The following CNTRL variants were observed in gnomAD, a reference collection of about 807,000 sequenced individuals.
CNTRL encodes centriolin.
In CNTRL, 233 loss-of-function variants were observed where a neutral mutation model predicts 303.7. The observed-to-expected ratio is 0.77, with a 90% CI of 0.69 to 0.86. The LOEUF (loss-of-function observed/expected upper bound fraction) is 0.86. CNTRL is among the 40% of genes least tolerant of loss of function. The pLI, the probability that CNTRL is intolerant of heterozygous loss-of-function variation, is 0.00. For missense variants in CNTRL, 2,524 were observed against 2,650.6 expected, an observed-to-expected ratio of 0.95 and a Z score of 1.05; for synonymous variants, 900 against 922.2, an observed-to-expected ratio of 0.98 and a Z score of 0.44.
At chr9:121,131,998 C>G (rs185663937) in intron 14 of CNTRL, among the ~76,000 whole-genome samples, 336 of 152,264 alleles carry the variant, frequency 2.2e-3, no homozygotes, top group Non-Finnish European at 3.6e-3. Flanking sequence ...TCTGAGAGAT[C>G]TGCTGTTAGT....
At chr9:121,149,785 G>A (rs2134196086) in intron 24 of CNTRL, among the ~76,000 whole-genome samples, 1 of 152,184 alleles carries the variant, frequency 6.6e-6, no homozygotes, top group African/African-American at 2.4e-5. Flanking sequence ...CTGGTTTTAG[G>A]GCAGATAAGT....
Position 121,162,076 on chromosome 9 carries a change from T to G in CNTRL, c.5228T>G (p.Leu1743Trp), listed in dbSNP as rs140833605. 8 of 1,614,204 alleles carry G rather than the reference T, an allele frequency of 5.0e-6. No homozygotes were observed. In the African/African-American group the frequency reaches 8.0e-5, roughly 16 times the overall value. ...TAGGAGAAACTGGAGTTAGAGAATT[T>G]GCAGCAGATATCCCAGCAGCAGAAA... ...VLEEKLELEN[L>W]QQISQQQKGE... The change falls in exon 34 of 44, where the codon TTG (leucine) becomes TGG (tryptophan). Residue 1743 changes from leucine to tryptophan, a missense_variant. By Grantham distance (61) the Leu-to-Trp change is moderately conservative (BLOSUM62 -2). Coordinates refer to ENST00000373855, the MANE Select transcript of CNTRL (RefSeq NM_007018.6).
intron 1 of CNTRL, among the ~76,000 whole-genome samples, chr9:121,077,715 CA>C (rs1564179400): frequency 6.6e-6 from 1 of 150,650 alleles, no homozygotes; most frequent in East Asian, 2.0e-4. Flanking sequence ...GAGGCTGAGG[CA>C]GGAGGATCAC....
At position 121,158,902 on chromosome 9, in the gene CNTRL, G is replaced by A; in HGVS notation, c.4812G>A (p.Gly1604=). 6.2e-7 allele frequency: 1 copy of A among 1,614,090 alleles called. No individual in the cohort carries two copies. The highest frequency in any genetic ancestry group is 8.5e-7 in the Non-Finnish European group (1 of 1,179,982). Residue 1604 remains glycine, a synonymous_variant, in exon 31 of 44, where the codon GGG becomes GGA. Transcript: ENST00000373855. ...TGGCTGTCTTGGACAGGCAGTTAGG[G>A]CATAAAAAGGAGGAGCTGCATCTAC... ...QEMAVLDRQL[G]HKKEELHLLQ... is the part of the protein sequence containing the mutation.
In CNTRL at chr9:121,141,196, C is replaced by G. The variant is rs556132919; in HGVS notation, c.2484-185C>G. ...TTAGCCTGATATGAGCCTATGTTTT[C>G]AGAGTGGCAGCAGTCATTTGATAAA... On this transcript the variant is annotated intron_variant, in intron 17 of 43. Transcript: ENST00000373855. Among the ~76,000 whole-genome samples the G allele has an allele frequency of 3.3e-4, 51 of 152,280 alleles. No homozygotes were observed. In the South Asian group the frequency reaches 1.0e-2, roughly 30 times the overall value.
chr9:121,117,716 A>G (rs912743130), intron 11 of CNTRL, among the ~76,000 whole-genome samples: 1 of 152,214 alleles, frequency 6.6e-6, no homozygotes, highest in Non-Finnish European at 1.5e-5. Flanking sequence ...ATGGTGGCTC[A>G]TGCCTGTAAT....
Position 121,141,490 on chromosome 9 carries a change from G to A in CNTRL, c.2593G>A (p.Glu865Lys), listed in dbSNP as rs1429790606. ...KWERDEAQVR[E>K]RKLQEEMALQ... ...GGAAAGAGATGAAGCACAAGTTAGA[G>A]AGAGAAAACTCCAAGAAGAAATGGC... The change falls in exon 18 of 44, where the codon GAG becomes AAG. Residue 865 changes from glutamate (E) to lysine (K), a missense_variant. Physicochemically the swap from Glu to Lys is moderately conservative, Grantham distance 56. Coordinates refer to ENST00000373855, the MANE Select transcript of CNTRL (RefSeq NM_007018.6). The A allele has an allele frequency of 6.2e-7, 1 of 1,614,086 alleles. No individual in the cohort carries two copies. Among genetic ancestry groups the A allele is most frequent in the Non-Finnish European group, 8.5e-7 (1 of 1,180,006 alleles).
At chr9:121,124,143 A>G in intron 13 of CNTRL, 59 bp downstream of exon 13, 2 of 1,422,326 alleles carry the variant, frequency 1.4e-6, no homozygotes, top group Non-Finnish European at 1.9e-6. Flanking sequence ...AAGAAACATT[A>G]TAAAGACAAG....
chr9:121,109,165 C>A (rs965630219), intron 8 of CNTRL, among the ~76,000 whole-genome samples: 10 of 151,924 alleles, frequency 6.6e-5, no homozygotes, highest in Admixed American at 1.3e-4. Flanking sequence ...AAAATCATTG[C>A]TAGATTACTT....
intron 15 of CNTRL, among the ~76,000 whole-genome samples, chr9:121,138,167 C>T (rs1448525252): frequency 2.0e-5 from 3 of 152,184 alleles, no homozygotes; most frequent in African/African-American, 7.2e-5. Flanking sequence ...TTTTAACAGA[C>T]ATACCTAGTG....
chr9:121,177,332 A>G lies in CNTRL; in HGVS notation c.*146A>G, dbSNP rs554940740. On this transcript the variant is annotated 3_prime_UTR_variant, in exon 44 of 44. Transcript: ENST00000373855. The stretch of plus-strand genomic sequence containing the variant: ...CACTGTAGTTTACTTTGCCTGTACC[A>G]TTAATGCCAATGTTTTTATAAATCA... 259 of 658,124 alleles carry G rather than the reference A, an allele frequency of 3.9e-4. 3 individuals are homozygous for G. The highest frequency in any genetic ancestry group is 3.1e-3 in the South Asian group (161 of 51,854). The allele number at this position is 658,124 out of a possible 1,614,324, so 40.8% of individuals were successfully genotyped here.
intron 32 of CNTRL, 36 bp downstream of exon 32, chr9:121,160,338 G>A (rs1005799147): frequency 7.3e-7 from 1 of 1,373,698 alleles, no homozygotes; most frequent in Admixed American, 2.9e-5. Flanking sequence ...CAAAGTTTGA[G>A]GTTGGAAATG....
chr9:121,146,905 G>A (rs111631961), intron 23 of CNTRL, among the ~76,000 whole-genome samples: 14 of 152,344 alleles, frequency 9.2e-5, no homozygotes, highest in African/African-American at 3.4e-4. Flanking sequence ...GAAGAGGAGA[G>A]TTATTGGCTT....
Position 121,100,977 on chromosome 9 carries a change from C to G in CNTRL, c.808+2405C>G, listed in dbSNP as rs1446023269. On this transcript the variant is annotated intron_variant, in intron 7 of 43. Coordinates refer to ENST00000373855, the MANE Select transcript of CNTRL (RefSeq NM_007018.6). ...ATAATAATGGGAGACTTTAACACCCCCCACTGTCAATGTTAGATCCACAAG... is the reference window on the plus strand; with the variant it reads ...ATAATAATGGGAGACTTTAACACCCGCCACTGTCAATGTTAGATCCACAAG... Among the ~76,000 whole-genome samples the G allele has an allele frequency of 7.9e-5, 12 of 151,572 alleles. No individual in the cohort carries two copies. The Admixed American group carries it at 7.9e-4, about 10-fold the overall frequency.
chr9:121,175,655 A>C (rs2053493171), intron 43 of CNTRL, among the ~76,000 whole-genome samples: 1 of 152,230 alleles, frequency 6.6e-6, no homozygotes, highest in Non-Finnish European at 1.5e-5. Context: ...GAGATTCAGA[A>C]AAATATAGAT....
intron 36 of CNTRL, 55 bp downstream of exon 36, chr9:121,166,235 G>A: frequency 1.6e-6 from 2 of 1,270,108 alleles, no homozygotes; most frequent in East Asian, 2.5e-5. Context: ...GCAGACCATT[G>A]GTTTAAATAA....
rs773939101 is a variant in CNTRL at position 121,088,452 on chromosome 9, G to A, written c.126G>A (p.Glu42=). Residue 42 remains glutamate (E), a synonymous_variant, in exon 3 of 44, where the codon GAG becomes GAA. Transcript: ENST00000373855. Reference sequence around the variant, plus strand: ...CACTTTCACCTTTGATTGGATCAGAGACTCTACCTTTTCATTCTGGAGGAC... The same window carrying A: ...CACTTTCACCTTTGATTGGATCAGAAACTCTACCTTTTCATTCTGGAGGAC... ...SRSLSPLIGS[E]TLPFHSGGQW... The A allele has an allele frequency of 1.4e-5, 22 of 1,612,806 alleles. No homozygotes were observed. The highest frequency in any genetic ancestry group is 1.7e-5 in the Non-Finnish European group (20 of 1,178,980).
At chr9:121,163,219 C>T in intron 34 of CNTRL, among the ~76,000 whole-genome samples, 1 of 149,930 alleles carries the variant, frequency 6.7e-6, no homozygotes, top group African/African-American at 2.4e-5. Flanking sequence ...GGTTGGGAAG[C>T]TGAGGTGGGA....
chr9:121,092,816 TA>T (rs1302971650), intron 4 of CNTRL, among the ~76,000 whole-genome samples: 1,448 of 19,096 alleles, frequency 0.076, 355 homozygotes, highest in African/African-American at 0.17. Context: ...TATATATATA[TA>T]TTTTTTTTTT....
Sources: allele counts gnomAD v4.1 joint callset (sites outside exome capture counted in the v4.1 genomes callset), GRCh38; gene constraint gnomAD v4.1.1; transcripts MANE v1.5; gene names NCBI Gene and HGNC (gene_info 2026-07-23, HGNC 2026-07-21).